Variants in MPPED2 observed in about 807,000 individuals in gnomAD.
The protein encoded by MPPED2 is metallophosphoesterase domain containing 2.
Under a neutral mutation model 33.0 loss-of-function variants are expected in MPPED2, and 5 were observed. The ratio of observed to expected loss-of-function variants is 0.15; its 90% CI spans 0.08 to 0.32. The LOEUF (loss-of-function observed/expected upper bound fraction) is 0.32. Among genes scored for constraint, MPPED2 ranks in the 10% least tolerant of loss-of-function variants. The pLI is 1.00. For missense variants in MPPED2, 275 were observed against 372.1 expected, an observed-to-expected ratio of 0.74 and a Z score of 2.15; for synonymous variants, 136 against 141.9, an observed-to-expected ratio of 0.96 and a Z score of 0.29.
chr11:30,465,172 T>C (rs1950656170), intron 4 of MPPED2, among the ~76,000 whole-genome samples: 1 of 152,200 alleles, frequency 6.6e-6, no homozygotes, highest in Admixed American at 6.5e-5. Flanking sequence ...GGAGTTCATG[T>C]AGATATGGTA....
chr11:30,540,976 C>A (rs1955075055), intron 2 of MPPED2, among the ~76,000 whole-genome samples: 1 of 152,218 alleles, frequency 6.6e-6, no homozygotes, highest in Admixed American at 6.5e-5. Flanking sequence ...GAATCCCTCC[C>A]TTTGTAGTGT....
chr11:30,484,087 A>G (rs933036842), intron 4 of MPPED2, among the ~76,000 whole-genome samples: 4 of 152,174 alleles, frequency 2.6e-5, no homozygotes, highest in African/African-American at 9.6e-5. Context: ...TTAGTCTTCA[A>G]TGTTGATTTA....
chr11:30,573,418 G>A (rs1956791328), intron 2 of MPPED2, among the ~76,000 whole-genome samples: 2 of 152,096 alleles, frequency 1.3e-5, no homozygotes, highest in African/African-American at 4.8e-5. Flanking sequence ...ATTTTAGAGT[G>A]TACTCCTTCT....
At chr11:30,385,491 A>G (rs1947692014) in exon 7 of MPPED2, 2 of 152,124 alleles carry the variant, frequency 1.3e-5, no homozygotes, top group Admixed American at 1.3e-4. Context: ...GCACACTGTT[A>G]CTGAACACAG....
At chr11:30,521,991 T>C (rs1953900765) in intron 3 of MPPED2, among the ~76,000 whole-genome samples, 1 of 152,218 alleles carries the variant, frequency 6.6e-6, no homozygotes, top group Non-Finnish European at 1.5e-5. Context: ...TGTCACTTAA[T>C]ATACAGCAAT....
At chr11:30,521,230 T>C (rs1649248507) in intron 3 of MPPED2, among the ~76,000 whole-genome samples, 1 of 151,946 alleles carries the variant, frequency 6.6e-6, no homozygotes, top group African/African-American at 2.4e-5. Context: ...ATCCTGGATT[T>C]AGGAATAAAA....
chr11:30,422,385 A>G (rs1482007372), intron 4 of MPPED2, among the ~76,000 whole-genome samples: 3 of 152,202 alleles, frequency 2.0e-5, no homozygotes. Context: ...CAGATTATCC[A>G]TGTTCTGAGT....
At chr11:30,563,088 T>C (rs988436729) in intron 2 of MPPED2, among the ~76,000 whole-genome samples, 7 of 152,168 alleles carry the variant, frequency 4.6e-5, no homozygotes, top group Non-Finnish European at 1.0e-4. Flanking sequence ...CATCCCATGC[T>C]ACTTCTAATA....
chr11:30,431,983 C>T (rs542187043), intron 4 of MPPED2, among the ~76,000 whole-genome samples: 2 of 152,042 alleles, frequency 1.3e-5, no homozygotes, highest in East Asian at 1.9e-4. Flanking sequence ...AAGACCAGTC[C>T]GGCCAGTATG....
intron 6 of MPPED2, among the ~76,000 whole-genome samples, chr11:30,401,560 CCTTTCT>C (rs1947908710): frequency 2.0e-5 from 3 of 152,206 alleles, no homozygotes; most frequent in Admixed American, 2.0e-4. Flanking sequence ...AATATTTTTA[CCTTTCT>C]CTGGGTAGCA....
chr11:30,457,178 A>G (rs1204450114), intron 4 of MPPED2, among the ~76,000 whole-genome samples: 1 of 152,156 alleles, frequency 6.6e-6, no homozygotes, highest in Admixed American at 6.5e-5. Flanking sequence ...ACATCCAGCA[A>G]TGTTCCCTGG....
At chr11:30,528,345 T>TC (rs1954321492) in intron 3 of MPPED2, among the ~76,000 whole-genome samples, 1 of 152,180 alleles carries the variant, frequency 6.6e-6, no homozygotes, top group African/African-American at 2.4e-5. Flanking sequence ...AACCTCTGCC[T>TC]CCCGGGTTCA....
chr11:30,461,570 T>G (rs1950519808), intron 4 of MPPED2, among the ~76,000 whole-genome samples: 1 of 152,036 alleles, frequency 6.6e-6, no homozygotes, highest in African/African-American at 2.4e-5. Flanking sequence ...AACGTCTGCA[T>G]TAGGAAAAGG....
At chr11:30,397,271 T>C (rs1025208396) in intron 6 of MPPED2, among the ~76,000 whole-genome samples, 2 of 152,278 alleles carry the variant, frequency 1.3e-5, no homozygotes, top group East Asian at 3.9e-4. Flanking sequence ...AGCCACTATT[T>C]CTTGTATGCT....
chr11:30,467,114 T>C (rs886470945), intron 4 of MPPED2, among the ~76,000 whole-genome samples: 1 of 152,146 alleles, frequency 6.6e-6, no homozygotes, highest in African/African-American at 2.4e-5. Context: ...TATGTGATGG[T>C]TTAAACAGAA....
At chr11:30,447,099 G>A (rs1232998293) in intron 4 of MPPED2, among the ~76,000 whole-genome samples, 2 of 152,206 alleles carry the variant, frequency 1.3e-5, no homozygotes, top group Non-Finnish European at 2.9e-5. Flanking sequence ...GCATAAACGA[G>A]AGATCATTCA....
At chr11:30,571,956 A>C (rs914970203) in intron 2 of MPPED2, among the ~76,000 whole-genome samples, 5 of 152,202 alleles carry the variant, frequency 3.3e-5, no homozygotes, top group Admixed American at 6.5e-5. Context: ...GAAGTTTAGA[A>C]AACAAAAATT....
chr11:30,496,877 G>A, intron 3 of MPPED2, among the ~76,000 whole-genome samples: 1 of 144,432 alleles, frequency 6.9e-6, no homozygotes, highest in East Asian at 2.6e-4. Context: ...ACCATGTTTT[G>A]TATATTACTG....
At chr11:30,558,419 T>A (rs1956086247) in intron 2 of MPPED2, among the ~76,000 whole-genome samples, 1 of 151,894 alleles carries the variant, frequency 6.6e-6, no homozygotes, top group Admixed American at 6.6e-5. Flanking sequence ...CTTTTTTTTT[T>A]TATTTTTTAT....
Sources: allele counts gnomAD v4.1 joint callset (sites outside exome capture counted in the v4.1 genomes callset), GRCh38; gene constraint gnomAD v4.1.1; transcripts MANE v1.5; gene names NCBI Gene and HGNC (gene_info 2026-07-23, HGNC 2026-07-21).